Variants in RAB5C observed in about 807,000 individuals in gnomAD.
RAB5C encodes RAB5C, member RAS oncogene family.
RAB5C carries 4 observed loss-of-function variants against 25.2 expected under a neutral mutation model. The ratio of observed to expected loss-of-function variants is 0.16; its 90% confidence interval spans 0.08 to 0.36. The LOEUF is 0.36. Among genes scored for constraint, RAB5C ranks in the 10% least tolerant of loss-of-function variants. RAB5C has a pLI of 1.00. For missense variants in RAB5C, 199 were observed against 283.8 expected, an observed-to-expected ratio of 0.70 and a Z score of 2.15; for synonymous variants, 100 against 106.4, an observed-to-expected ratio of 0.94 and a Z score of 0.37.
chr17:42,150,048 C>G (rs987058409), intron 1 of RAB5C, among the ~76,000 whole-genome samples: 1 of 151,982 alleles, frequency 6.6e-6, no homozygotes, highest in Non-Finnish European at 1.5e-5. Context: ...CCACGCCTGA[C>G]TAATTTTGGT....
intron 1 of RAB5C, chr17:42,131,804 A>G (rs2054489352): frequency 3.6e-6 from 2 of 560,820 alleles, no homozygotes; most frequent in Non-Finnish European, 6.4e-6. Context: ...ACACATGAGG[A>G]GCCTATCTCT....
At chr17:42,130,626 A>T in intron 1 of RAB5C, 36 bp from the exon 2 acceptor site, 5 of 1,498,252 alleles carry the variant, frequency 3.3e-6, no homozygotes, top group Non-Finnish European at 4.5e-6. Flanking sequence ...GAGTTAGTTC[A>T]GAGGCCGTCA....
chr17:42,135,096 T>C (rs972955710), intron 1 of RAB5C, among the ~76,000 whole-genome samples: 1 of 151,032 alleles, frequency 6.6e-6, no homozygotes, highest in Non-Finnish European at 1.5e-5. Context: ...TTCTAATGCC[T>C]CAGCTTCTAG....
At chr17:42,131,520 G>A (rs1294435829) in intron 1 of RAB5C, 8 of 1,331,972 alleles carry the variant, frequency 6.0e-6, no homozygotes, top group East Asian at 5.1e-5. Context: ...AACACACACC[G>A]AAACAAACAC....
intron 5 of RAB5C, among the ~76,000 whole-genome samples, chr17:42,126,339 A>G (rs779136737): frequency 6.6e-6 from 1 of 152,102 alleles, no homozygotes; most frequent in African/African-American, 2.4e-5. Flanking sequence ...GAAGGTTAAA[A>G]GTGGTGAAGG....
chr17:42,134,049 T>C (rs2054512237), intron 1 of RAB5C, among the ~76,000 whole-genome samples: 1 of 152,080 alleles, frequency 6.6e-6, no homozygotes, highest in African/African-American at 2.4e-5. Context: ...AAATGAGCAG[T>C]GGTGTCCAAC....
At chr17:42,150,325 C>T (rs2079661887) in intron 1 of RAB5C, among the ~76,000 whole-genome samples, 1 of 151,862 alleles carries the variant, frequency 6.6e-6, no homozygotes, top group African/African-American at 2.4e-5. Context: ...GGCACAATTA[C>T]CTGAGGTCAG....
chr17:42,149,602 A>T (rs1244392696), intron 1 of RAB5C, among the ~76,000 whole-genome samples: 1 of 152,134 alleles, frequency 6.6e-6, no homozygotes, highest in Non-Finnish European at 1.5e-5. Flanking sequence ...TAATTAATTA[A>T]TTAAAGTTTC....
intron 4 of RAB5C, 145 bp from the exon 5 acceptor site, chr17:42,126,993 G>C: frequency 2.0e-6 from 1 of 502,498 alleles, no homozygotes; most frequent in Non-Finnish European, 3.7e-6. Flanking sequence ...CAGGCCTAAG[G>C]CTGCCCTGAT....
chr17:42,140,752 C>T (rs1245049356), intron 1 of RAB5C, among the ~76,000 whole-genome samples: 7 of 151,992 alleles, frequency 4.6e-5, no homozygotes, highest in Non-Finnish European at 1.0e-4. Flanking sequence ...TCTCGAACTC[C>T]TAACCTCAGG....
In RAB5C at chr17:42,128,393, CAGGGACAGAATGTCGA is replaced by C; in HGVS notation, c.319-26_319-11del. 2 of 1,609,992 alleles carry C rather than the reference CAGGGACAGAATGTCGA, an allele frequency of 1.2e-6. No individual in the cohort carries two copies. The highest frequency in any genetic ancestry group is 1.7e-6 in the Non-Finnish European group (2 of 1,177,462). On this transcript the variant is annotated splice_polypyrimidine_tract_variant and intron_variant, in intron 3 of 5. Coordinates refer to ENST00000346213, the MANE Select transcript of RAB5C (RefSeq NM_004583.4). ...CCCGTGCAAATGTATCCTGAGGAGA[CAGGGACAGAATGTCGA>C]AGGGACAGAGAAGGCATTCTGCCCA...
intron 1 of RAB5C, among the ~76,000 whole-genome samples, chr17:42,133,870 C>T (rs1598247810): frequency 1.3e-5 from 2 of 152,196 alleles, no homozygotes; most frequent in Admixed American, 1.3e-4. Context: ...TGTTGGTGAA[C>T]AGACTCTGGC....
At chr17:42,148,029 C>T (rs1399334708) in intron 1 of RAB5C, among the ~76,000 whole-genome samples, 1 of 151,766 alleles carries the variant, frequency 6.6e-6, no homozygotes, top group Non-Finnish European at 1.5e-5. Flanking sequence ...ACTCGGGAGG[C>T]GGAGGTTGTG....
chr17:42,140,820 C>T (rs2079599143), intron 1 of RAB5C, among the ~76,000 whole-genome samples: 1 of 151,772 alleles, frequency 6.6e-6, no homozygotes, highest in African/African-American at 2.4e-5. Context: ...GCCACCACAC[C>T]CAGCTCTTTT....
At chr17:42,152,819 G>A (rs1034957889) in intron 1 of RAB5C, among the ~76,000 whole-genome samples, 2 of 151,816 alleles carry the variant, frequency 1.3e-5, no homozygotes, top group Non-Finnish European at 2.9e-5. Flanking sequence ...AGAGCTGGGA[G>A]AGCATGTCCA....
At chr17:42,140,093 C>T (rs755001727) in intron 1 of RAB5C, among the ~76,000 whole-genome samples, 13 of 152,198 alleles carry the variant, frequency 8.5e-5, no homozygotes, top group Non-Finnish European at 1.3e-4. Flanking sequence ...ACAGCTGCCA[C>T]TTCTGCTGCT....
Position 42,130,507 on chromosome 17 carries a change from C to G in RAB5C, c.-5G>C, listed in dbSNP as rs376067518. On this transcript the variant is annotated 5_prime_UTR_variant, in exon 2 of 6. Coordinates refer to ENST00000346213, the MANE Select transcript of RAB5C (RefSeq NM_004583.4). Reference sequence around the variant, plus strand: ...TGCGCCTCCCCGACCCGCCATTGCCCGTCCAGCTGTAGTGGTCCAGAGAGC... The same window carrying G: ...TGCGCCTCCCCGACCCGCCATTGCCGGTCCAGCTGTAGTGGTCCAGAGAGC... The G allele has an allele frequency of 6.2e-7, 1 of 1,613,960 alleles. No homozygotes were observed. The highest frequency in any genetic ancestry group is 8.5e-7 in the Non-Finnish European group (1 of 1,180,002).
chr17:42,125,957 C>T (rs2054418792), intron 5 of RAB5C, 59 bp from the exon 6 acceptor site: 16 of 1,319,668 alleles, frequency 1.2e-5, no homozygotes, highest in Non-Finnish European at 1.7e-5. Context: ...CTCCCAGTTC[C>T]ACTGGAGCAG....
At chr17:42,145,582 T>C (rs193038744) in intron 1 of RAB5C, among the ~76,000 whole-genome samples, 5 of 152,296 alleles carry the variant, frequency 3.3e-5, no homozygotes, top group African/African-American at 9.6e-5. Context: ...TCGCTTGAGC[T>C]CAGGAGTTTG....
Sources: gnomAD v4.1 joint callset for allele counts (sites outside exome capture counted in the v4.1 genomes callset) on GRCh38, gnomAD v4.1.1 for gene constraint, MANE v1.5 for transcripts, NCBI Gene and HGNC (gene_info 2026-07-23, HGNC 2026-07-21) for gene names.